Variants in MACROD2 observed in about 807,000 individuals in gnomAD.
MACROD2 encodes mono-ADP ribosylhydrolase 2.
A neutral mutation model predicts 70.4 loss-of-function variants in MACROD2; 36 were observed. The ratio of observed to expected loss-of-function variants is 0.51; its 90% CI spans 0.39 to 0.68. The LOEUF (loss-of-function observed/expected upper bound fraction) is 0.68, where lower values mean the gene tolerates loss of function less well. Ranked by LOEUF, MACROD2 falls within the 30% of genes least tolerant of loss-of-function variation. The pLI is 0.00. For missense variants in MACROD2, 496 were observed against 538.4 expected, an observed-to-expected ratio of 0.92 and a Z score of 0.78; for synonymous variants, 172 against 178.8, an observed-to-expected ratio of 0.96 and a Z score of 0.30.
At chr20:15,161,155 T>C (rs899624547) in intron 5 of MACROD2, among the ~76,000 whole-genome samples, 6 of 151,950 alleles carry the variant, frequency 3.9e-5, no homozygotes, top group African/African-American at 7.2e-5. Context: ...ATATATACAA[T>C]GGGACTAATC....
At chr20:15,118,902 G>A (rs2076010962) in intron 5 of MACROD2, among the ~76,000 whole-genome samples, 4 of 152,110 alleles carry the variant, frequency 2.6e-5, no homozygotes, top group Non-Finnish European at 1.5e-5. Context: ...TTAATTATTG[G>A]CACAGATTAT....
chr20:15,390,613 C>T (rs1018996010), intron 6 of MACROD2, among the ~76,000 whole-genome samples: 9 of 152,040 alleles, frequency 5.9e-5, no homozygotes, highest in Non-Finnish European at 8.8e-5. Context: ...ATTACCTGCT[C>T]TTGATTCCTA....
At chr20:15,336,355 A>G (rs1181447251) in intron 6 of MACROD2, among the ~76,000 whole-genome samples, 1 of 148,960 alleles carries the variant, frequency 6.7e-6, no homozygotes, top group Non-Finnish European at 1.5e-5. Context: ...ACAAACTAGA[A>G]TTAATTGTGT....
At chr20:14,503,171 A>G (rs146422306) in intron 4 of MACROD2, among the ~76,000 whole-genome samples, 201 of 152,308 alleles carry the variant, frequency 1.3e-3, no homozygotes, top group African/African-American at 4.5e-3. Context: ...TGGCCCACCC[A>G]TGTGTATGTC....
intron 7 of MACROD2, among the ~76,000 whole-genome samples, chr20:15,482,843 C>T (rs1421416257): frequency 1.3e-5 from 2 of 152,108 alleles, no homozygotes; most frequent in Non-Finnish European, 2.9e-5. Context: ...TTTACATATG[C>T]CTATTTGCCA....
At chr20:15,772,818 T>A (rs1473437553) in intron 8 of MACROD2, among the ~76,000 whole-genome samples, 2 of 152,124 alleles carry the variant, frequency 1.3e-5, no homozygotes, top group East Asian at 3.9e-4. Context: ...AAATACTACC[T>A]GTTTCCCAAA....
chr20:15,853,125 G>C (rs1213874494), intron 8 of MACROD2, among the ~76,000 whole-genome samples: 1 of 152,194 alleles, frequency 6.6e-6, no homozygotes, highest in Admixed American at 6.5e-5. Flanking sequence ...TACAAGGTCA[G>C]GGTAGAAATA....
At chr20:14,101,067 C>A (rs2054297904) in intron 3 of MACROD2, among the ~76,000 whole-genome samples, 1 of 151,002 alleles carries the variant, frequency 6.6e-6, no homozygotes, top group Non-Finnish European at 1.5e-5. Flanking sequence ...GTGATATAAT[C>A]AATTTGATAA....
chr20:14,208,027 G>A (rs1428050276), intron 3 of MACROD2, among the ~76,000 whole-genome samples: 1 of 152,146 alleles, frequency 6.6e-6, no homozygotes, highest in African/African-American at 2.4e-5. Flanking sequence ...CAATTTCTCT[G>A]TTGGAAATTG....
chr20:15,313,308 C>A (rs899171006), intron 6 of MACROD2, among the ~76,000 whole-genome samples: 8 of 151,868 alleles, frequency 5.3e-5, no homozygotes, highest in African/African-American at 9.7e-5. Flanking sequence ...AGATCGAGAC[C>A]ATCCTGGCTA....
At chr20:14,528,675 G>A (rs868309532) in intron 4 of MACROD2, among the ~76,000 whole-genome samples, 7 of 152,036 alleles carry the variant, frequency 4.6e-5, no homozygotes, top group Middle Eastern at 3.4e-3. Flanking sequence ...GGTTGGGGGG[G>A]CCCAACATTT....
At chr20:15,302,729 G>C (rs541961677) in intron 6 of MACROD2, among the ~76,000 whole-genome samples, 1 of 152,266 alleles carries the variant, frequency 6.6e-6, no homozygotes, top group South Asian at 2.1e-4. Context: ...GTTGCCAGAT[G>C]GCCTTCTAAA....
chr20:15,953,544 A>G (rs1017792396), intron 12 of MACROD2, among the ~76,000 whole-genome samples: 23 of 152,204 alleles, frequency 1.5e-4, no homozygotes, highest in African/African-American at 5.5e-4. Flanking sequence ...ATTTAGCTAA[A>G]AAAGGAAACA....
intron 5 of MACROD2, among the ~76,000 whole-genome samples, chr20:14,991,860 A>G (rs1383917159): frequency 6.6e-6 from 1 of 152,144 alleles, no homozygotes; most frequent in Non-Finnish European, 1.5e-5. Context: ...TGTGAATTTA[A>G]AAGTTTGAAA....
At chr20:15,326,712 C>A (rs1182183262) in intron 6 of MACROD2, among the ~76,000 whole-genome samples, 3 of 152,034 alleles carry the variant, frequency 2.0e-5, no homozygotes, top group Admixed American at 6.6e-5. Context: ...TTGTGTGCAT[C>A]ACAAAGATGA....
At chr20:14,220,896 C>CA (rs1439896288) in intron 3 of MACROD2, among the ~76,000 whole-genome samples, 1 of 152,160 alleles carries the variant, frequency 6.6e-6, no homozygotes, top group African/African-American at 2.4e-5. Flanking sequence ...CCTGCAGGAG[C>CA]AGTCTGCTTT....
chr20:15,370,279 T>A (rs554701992), intron 6 of MACROD2, among the ~76,000 whole-genome samples: 1 of 152,182 alleles, frequency 6.6e-6, no homozygotes, highest in East Asian at 1.9e-4. Flanking sequence ...AGTTCTAAAT[T>A]TGCAAGAGAA....
At chr20:14,044,072 C>T (rs569456328) in intron 2 of MACROD2, among the ~76,000 whole-genome samples, 9 of 152,230 alleles carry the variant, frequency 5.9e-5, no homozygotes, top group Non-Finnish European at 1.0e-4. Flanking sequence ...AAGCCACAGA[C>T]CCTCGCGGTG....
At chr20:14,594,073 G>T (rs1981959499) in intron 4 of MACROD2, among the ~76,000 whole-genome samples, 1 of 152,208 alleles carries the variant, frequency 6.6e-6, no homozygotes, top group African/African-American at 2.4e-5. Flanking sequence ...GGTAAGTGCT[G>T]TTAAAGACAT....
Sources: allele counts gnomAD v4.1 joint callset (sites outside exome capture counted in the v4.1 genomes callset), GRCh38; gene constraint gnomAD v4.1.1; transcripts MANE v1.5; gene names NCBI Gene and HGNC (gene_info 2026-07-23, HGNC 2026-07-21).